KLF7: variants seen among roughly 807,000 people sequenced by gnomAD.
KLF7 encodes the protein KLF transcription factor 7.
Under a neutral mutation model 27.3 loss-of-function variants are expected in KLF7, and 2 were observed. That is an observed-to-expected ratio of 0.07 (90% CI 0.03 to 0.23). KLF7 has a LOEUF of 0.23. KLF7 is among the 10% of genes least tolerant of loss of function. The pLI is 1.00. For synonymous variants in KLF7, 165 were observed against 162.4 expected, an observed-to-expected ratio of 1.02 and a Z score of -0.12; for missense variants, 221 against 394.1, an observed-to-expected ratio of 0.56 and a Z score of 3.72.
rs948623544 is a variant in KLF7 at position 207,077,135 on chromosome 2, A to T, written c.*4078T>A. On this transcript the variant is annotated 3_prime_UTR_variant, in exon 4 of 4. Transcript: ENST00000309446. ...ACATTTTATGAAGTGACTTCCATAA[A>T]GGAAACCATTTTGAACCATCAAAAC... is the stretch of plus-strand genomic sequence containing the variant. The T allele has an allele frequency of 7.2e-5, 11 of 152,230 alleles. No individual in the cohort carries two copies. Among genetic ancestry groups the T allele is most frequent in the Non-Finnish European group, 1.6e-4 (11 of 68,046 alleles). The allele number at this position is 152,230 out of a possible 1,614,324, so 9.4% of individuals were successfully genotyped here.
chr2:207,120,049 C>G (rs2077296185), intron 2 of KLF7, among the ~76,000 whole-genome samples: 2 of 152,158 alleles, frequency 1.3e-5, no homozygotes, highest in African/African-American at 4.8e-5. Context: ...TCATAATATT[C>G]CCTTTGTCCC....
At chr2:207,119,559 G>C (rs552707454) in intron 2 of KLF7, among the ~76,000 whole-genome samples, 40 of 152,138 alleles carry the variant, frequency 2.6e-4, no homozygotes, top group African/African-American at 9.6e-4. Context: ...CATAATGGTA[G>C]AATTTGTGAG....
At chr2:207,137,379 C>T (rs1460115612) in intron 1 of KLF7, among the ~76,000 whole-genome samples, 1 of 152,200 alleles carries the variant, frequency 6.6e-6, no homozygotes, top group Non-Finnish European at 1.5e-5. Flanking sequence ...ACCACTTACA[C>T]AGGTGAGGTC....
chr2:207,124,035 C>G lies in KLF7; in HGVS notation c.472G>C (p.Val158Leu), dbSNP rs749905619. 1.9e-6 allele frequency: 3 copies of G among 1,614,162 alleles called. No individual in the cohort carries two copies. In the African/African-American group the frequency reaches 4.0e-5, roughly 22 times the overall value. Residue 158 changes from valine to leucine, a missense_variant, in exon 2 of 4, where the codon GTG becomes CTG. Around this residue, in one of 3 missense-constraint regions of KLF7, gnomAD observed 180 missense variants for 227.9 expected, o/e 0.79. Coordinates refer to ENST00000309446, the MANE Select transcript of KLF7 (RefSeq NM_003709.4). The stretch of plus-strand genomic sequence containing the variant: ...AGTTTCAACGTCACCGTGCCATCCA[C>G]GGCAGAGAGAGTTTGTGAGGTTTTG... ...LVKTSQTLSA[V>L]DGTVTLKLVA...
intron 2 of KLF7, among the ~76,000 whole-genome samples, chr2:207,090,370 G>C (rs2105877085): frequency 6.6e-6 from 1 of 152,330 alleles, no homozygotes; most frequent in Non-Finnish European, 1.5e-5. Context: ...TTTGGAGTCA[G>C]CCTACTTGGG....
At position 207,077,705 on chromosome 2, in the gene KLF7, T is replaced by C. The variant is rs952058241; in HGVS notation, c.*3508A>G. ...AACCATGGGTGGGGCAGGAGGCCAG[T>C]AGCTAGGAGCAGCATTATAATTTCA... On this transcript the variant is annotated 3_prime_UTR_variant, in exon 4 of 4. Coordinates refer to ENST00000309446, the MANE Select transcript of KLF7 (RefSeq NM_003709.4). 6.6e-6 allele frequency: 1 copy of C among 152,126 alleles called. No homozygotes were observed. Among genetic ancestry groups the C allele is most frequent in the Non-Finnish European group, 1.5e-5 (1 of 68,030 alleles). 9.4% of individuals were successfully genotyped at this position (152,126 alleles called of 1,614,324 possible).
intron 1 of KLF7, among the ~76,000 whole-genome samples, chr2:207,128,918 T>C (rs1338963356): frequency 6.6e-6 from 1 of 152,058 alleles, no homozygotes; most frequent in Non-Finnish European, 1.5e-5. Context: ...CCTGAACCAG[T>C]AAAAGGACTG....
rs1169155155 is a variant in KLF7, at chr2:207,074,935, ACAC to A, written c.*6275_*6277del. The A allele has an allele frequency of 1.3e-5, 2 of 152,188 alleles. No homozygotes were observed. Among genetic ancestry groups the A allele is most frequent in the Admixed American group, 1.3e-4 (2 of 15,288 alleles). 9.4% of individuals were successfully genotyped at this position (152,188 alleles called of 1,614,324 possible). A position where few individuals can be genotyped will look rare whatever the true frequency, so the allele number is the denominator to read the frequency against. On this transcript the variant is annotated 3_prime_UTR_variant, in exon 4 of 4. Transcript: ENST00000309446. Reference sequence around the variant, plus strand: ...AAAATACACACATACGCACACACACACACAACTTCCCAAACGAAGATAACCTAA... The same window carrying A: ...AAAATACACACATACGCACACACACAAACTTCCCAAACGAAGATAACCTAA...
At chr2:207,154,752 G>C (rs191357270) in intron 1 of KLF7, among the ~76,000 whole-genome samples, 20 of 152,284 alleles carry the variant, frequency 1.3e-4, no homozygotes, top group Admixed American at 6.5e-4. Context: ...ATTCTTATCA[G>C]GAATTAAGAA....
chr2:207,115,179 A>G (rs1308660157), intron 2 of KLF7, among the ~76,000 whole-genome samples: 2 of 136,814 alleles, frequency 1.5e-5, no homozygotes, highest in Non-Finnish European at 3.1e-5. Context: ...TGTCAGTTGC[A>G]AAAAAAAAAA....
intron 2 of KLF7, among the ~76,000 whole-genome samples, chr2:207,102,975 T>C (rs547699275): frequency 1.8e-4 from 27 of 152,266 alleles, no homozygotes; most frequent in Middle Eastern, 3.4e-3. Flanking sequence ...GTCACCCAGG[T>C]TGGAGTGCAG....
chr2:207,123,689 C>A, intron 2 of KLF7, 85 bp downstream of exon 2: 1 of 1,456,650 alleles, frequency 6.9e-7, no homozygotes, highest in Non-Finnish European at 9.3e-7. Context: ...GGGTGCCACT[C>A]CTCAGAACAA....
intron 1 of KLF7, among the ~76,000 whole-genome samples, chr2:207,144,019 G>C (rs1165611426): frequency 6.6e-6 from 1 of 152,020 alleles, no homozygotes; most frequent in East Asian, 1.9e-4. Flanking sequence ...CCAGGGGAGG[G>C]GCAGGCTGGC....
intron 1 of KLF7, among the ~76,000 whole-genome samples, chr2:207,131,546 T>C (rs1476742239): frequency 6.6e-6 from 1 of 152,194 alleles, no homozygotes; most frequent in African/African-American, 2.4e-5. Context: ...CCCTCTAAAA[T>C]ACTCATTCTT....
rs1350900418 is a variant in KLF7 at position 207,075,515 on chromosome 2, CCAAA to C, written c.*5694_*5697del. On this transcript the variant is annotated 3_prime_UTR_variant, in exon 4 of 4. Transcript: ENST00000309446. ...GAGACGGGGCTGGGAGTAGGTCTCT[CCAAA>C]CACACTTGTTAGACACATCTGGCAA... 6.6e-6 allele frequency: 1 copy of C among 151,796 alleles called. No individual in the cohort carries two copies. Among genetic ancestry groups the C allele is most frequent in the Non-Finnish European group, 1.5e-5 (1 of 67,956 alleles). 9.4% of individuals were successfully genotyped at this position (151,796 alleles called of 1,614,324 possible).
chr2:207,164,098 T>G (rs1447469099), intron 1 of KLF7, among the ~76,000 whole-genome samples: 1 of 152,194 alleles, frequency 6.6e-6, no homozygotes. Context: ...AGAAGTGAAC[T>G]AGCAACAATG....
intron 2 of KLF7, among the ~76,000 whole-genome samples, chr2:207,116,984 G>A (rs1252400421): frequency 6.6e-6 from 1 of 152,158 alleles, no homozygotes; most frequent in Non-Finnish European, 1.5e-5. Context: ...CGGCAATAAA[G>A]AGGGACTAGT....
chr2:207,136,639 TC>T (rs1015512234), intron 1 of KLF7, among the ~76,000 whole-genome samples: 22 of 152,344 alleles, frequency 1.4e-4, no homozygotes, highest in African/African-American at 5.1e-4. Flanking sequence ...CGTTTATCTT[TC>T]CCTATTAACA....
intron 1 of KLF7, among the ~76,000 whole-genome samples, chr2:207,130,671 C>A (rs2077606562): frequency 6.6e-6 from 1 of 152,144 alleles, no homozygotes; most frequent in Non-Finnish European, 1.5e-5. Context: ...CTCTTCAATA[C>A]CATCACTTTT....
Sources: gnomAD v4.1 joint callset for allele counts (sites outside exome capture counted in the v4.1 genomes callset) on GRCh38, gnomAD v4.1.1 for gene constraint, gnomAD v4.1.1 regional missense constraint, MANE v1.5 for transcripts, NCBI Gene and HGNC (gene_info 2026-07-23, HGNC 2026-07-21) for gene names.